TAOK1: variants seen among roughly 807,000 people sequenced by gnomAD.
TAOK1 encodes the protein TAO kinase 1, also known as serine/threonine-protein kinase TAO1.
In TAOK1, 21 loss-of-function variants were observed where a neutral mutation model predicts 138.3. The ratio of observed to expected loss-of-function variants is 0.15; its 90% CI spans 0.11 to 0.22. The LOEUF (loss-of-function observed/expected upper bound fraction) is 0.22. Among genes scored for constraint, TAOK1 ranks in the 10% least tolerant of loss-of-function variants. TAOK1 has a pLI of 1.00. For synonymous variants in TAOK1, 361 were observed against 398.4 expected (o/e 0.91, Z 1.12); for missense variants, 651 against 1,227.7 (o/e 0.53, Z 7.02).
chr17:29,460,772 G>A (rs1175713457), intron 2 of TAOK1, among the ~76,000 whole-genome samples: 1 of 152,160 alleles, frequency 6.6e-6, no homozygotes, highest in East Asian at 1.9e-4. Flanking sequence ...AGACTGATTA[G>A]GATGCTTTTA....
intron 15 of TAOK1, among the ~76,000 whole-genome samples, chr17:29,515,921 TTTTA>T (rs1380707518): frequency 2.0e-5 from 3 of 152,030 alleles, no homozygotes; most frequent in South Asian, 2.1e-4. Flanking sequence ...AATTAAGAAC[TTTTA>T]TTTGTTTATT....
intron 8 of TAOK1, among the ~76,000 whole-genome samples, chr17:29,483,735 C>G (rs2031111216): frequency 6.6e-6 from 1 of 152,182 alleles, no homozygotes; most frequent in African/African-American, 2.4e-5. Flanking sequence ...TTGGAGATTA[C>G]CATGTCATAC....
intron 10 of TAOK1, among the ~76,000 whole-genome samples, 195 bp from the exon 11 acceptor site, chr17:29,495,361 TAAAG>T (rs1444638099): frequency 1.3e-5 from 2 of 152,108 alleles, no homozygotes; most frequent in South Asian, 2.1e-4. Context: ...ATGTTCAAAA[TAAAG>T]AAAAAGAATA....
chr17:29,445,846 T>TAAGA (rs1354626349), intron 1 of TAOK1, among the ~76,000 whole-genome samples: 2 of 152,202 alleles, frequency 1.3e-5, no homozygotes, highest in Non-Finnish European at 2.9e-5. Context: ...GGAAATGTTC[T>TAAGA]CTCTTCTAAG....
chr17:29,479,715 TTAAG>T (rs1489922958), intron 6 of TAOK1, among the ~76,000 whole-genome samples: 1 of 152,170 alleles, frequency 6.6e-6, no homozygotes, highest in African/African-American at 2.4e-5. Flanking sequence ...TTTTGAATGA[TTAAG>T]TATATATTAT....
At position 29,469,500 on chromosome 17, in the gene TAOK1, T is replaced by C. The variant is rs573184771; in HGVS notation, c.204+2284T>C. Among the ~76,000 whole-genome samples, 40 of 152,312 alleles carry C rather than the reference T, an allele frequency of 2.6e-4. No homozygotes were observed. In the South Asian group the frequency reaches 8.1e-3, roughly 31 times the overall value. ...TTCCCCAGCCTCTTGCAACCACCAG[T>C]CTACTTTCTGTCTCCATAAATTTGA... On this transcript the variant is annotated intron_variant, in intron 3 of 19. Transcript: ENST00000261716.
At chr17:29,531,494 GGCTCACGCCTGTAATCCAA>G (rs2032108649) in intron 18 of TAOK1, among the ~76,000 whole-genome samples, 1 of 151,922 alleles carries the variant, frequency 6.6e-6, no homozygotes, top group African/African-American at 2.4e-5. Flanking sequence ...GCGCGCCAGT[GGCTCACGCCTGTAATCCAA>G]GCACTTTGGA....
rs1469688862 is a variant in TAOK1 at position 29,551,232 on chromosome 17, T to C, written c.*8210T>C. ...GAGGGTTATCAGCTAACTGATATGCTATCATTGAGGTTCATCAATGAATTT... is the reference window on the plus strand; with the variant it reads ...GAGGGTTATCAGCTAACTGATATGCCATCATTGAGGTTCATCAATGAATTT... On this transcript the variant is annotated 3_prime_UTR_variant, in exon 20 of 20. Transcript: ENST00000261716. 6.6e-6 allele frequency: 1 copy of C among 152,206 alleles called. No individual in the cohort carries two copies. The highest frequency in any genetic ancestry group is 6.5e-5 in the Admixed American group (1 of 15,270). 9.4% of individuals were successfully genotyped at this position (152,206 alleles called of 1,614,324 possible).
chr17:29,423,297 G>C (rs533015137), intron 1 of TAOK1, among the ~76,000 whole-genome samples: 1 of 148,226 alleles, frequency 6.7e-6, no homozygotes, highest in African/African-American at 2.5e-5. Context: ...TTGGCTCACT[G>C]CAAGCTCCAC....
intron 12 of TAOK1, among the ~76,000 whole-genome samples, 167 bp downstream of exon 12, chr17:29,498,688 C>T (rs1468538438): frequency 1.3e-5 from 2 of 152,056 alleles, no homozygotes; most frequent in African/African-American, 4.8e-5. Flanking sequence ...GAGGCCGAGG[C>T]GGGTGGATCA....
intron 13 of TAOK1, among the ~76,000 whole-genome samples, chr17:29,504,110 C>CAAA (rs35382020): frequency 1.6e-5 from 2 of 126,892 alleles, no homozygotes; most frequent in Admixed American, 8.2e-5. Flanking sequence ...GACCCTATCT[C>CAAA]AAAAAAAAAA....
At position 29,440,662 on chromosome 17, in the gene TAOK1, G is replaced by T. The variant is rs1410168759; in HGVS notation, c.-94-10793G>T. 4.6e-5 allele frequency among the ~76,000 whole-genome samples: 7 copies of T among 151,550 alleles called. No individual in the cohort carries two copies. The East Asian group carries it at 1.4e-3, about 29-fold the overall frequency. ...GCGATCTCAGCTTACTGCAGCCTCTGCCTCCTGGGTTCAAGCAATTCTCCT... is the reference window on the plus strand; with the variant it reads ...GCGATCTCAGCTTACTGCAGCCTCTTCCTCCTGGGTTCAAGCAATTCTCCT... On this transcript the variant is annotated intron_variant, in intron 1 of 19. Coordinates refer to ENST00000261716, the MANE Select transcript of TAOK1 (RefSeq NM_020791.4).
chr17:29,531,018 G>C (rs947188599), intron 18 of TAOK1, among the ~76,000 whole-genome samples: 1 of 130,516 alleles, frequency 7.7e-6, no homozygotes, highest in Non-Finnish European at 1.5e-5. Context: ...CTGGAGTCCA[G>C]TGGCGCGATC....
intron 1 of TAOK1, among the ~76,000 whole-genome samples, chr17:29,437,526 G>C (rs1906072193): frequency 6.6e-6 from 1 of 152,010 alleles, no homozygotes; most frequent in Non-Finnish European, 1.5e-5. Flanking sequence ...GTTTTATAGA[G>C]TATATTTAAC....
intron 2 of TAOK1, among the ~76,000 whole-genome samples, chr17:29,458,032 C>T (rs1356181987): frequency 6.6e-6 from 1 of 151,984 alleles, no homozygotes; most frequent in Non-Finnish European, 1.5e-5. Context: ...ACGGCGTGAA[C>T]CCGGGAGGTG....
Position 29,547,172 on chromosome 17 carries a change from T to C in TAOK1, c.*4150T>C, listed in dbSNP as rs976175416. 11 of 152,166 alleles carry C rather than the reference T, an allele frequency of 7.2e-5. No homozygotes were observed. The highest frequency in any genetic ancestry group is 2.4e-4 in the African/African-American group (10 of 41,450). The allele number at this position is 152,166 out of a possible 1,614,324, so 9.4% of individuals were successfully genotyped here. ...TCACACAATCTTTATGTGCTTTCTA[T>C]ATGTATTTCTTAGTAGTGATACCAT... On this transcript the variant is annotated 3_prime_UTR_variant, in exon 20 of 20. Transcript: ENST00000261716.
chr17:29,402,640 C>A (rs1904880733), intron 1 of TAOK1, among the ~76,000 whole-genome samples: 1 of 152,016 alleles, frequency 6.6e-6, no homozygotes, highest in South Asian at 2.1e-4. Flanking sequence ...AAGAAAATAT[C>A]TTTTATTTTT....
intron 1 of TAOK1, among the ~76,000 whole-genome samples, chr17:29,434,427 G>A (rs1567717362): frequency 6.6e-6 from 1 of 152,068 alleles, no homozygotes; most frequent in Non-Finnish European, 1.5e-5. Context: ...TAGAAAGAGG[G>A]AAGCAGGCCT....
intron 1 of TAOK1, among the ~76,000 whole-genome samples, chr17:29,432,958 C>A (rs1905895896): frequency 6.6e-6 from 1 of 152,114 alleles, no homozygotes; most frequent in African/African-American, 2.4e-5. Flanking sequence ...CAGTGTCTTG[C>A]AATGTTGCCT....
Sources: allele counts gnomAD v4.1 joint callset (sites outside exome capture counted in the v4.1 genomes callset), GRCh38; gene constraint gnomAD v4.1.1; transcripts MANE v1.5; gene names NCBI Gene and HGNC (gene_info 2026-07-23, HGNC 2026-07-21).